Variants in GINS1 observed in about 807,000 individuals in gnomAD.
GINS1 encodes GINS complex subunit 1.
GINS1 carries 26 observed loss-of-function variants against 34.9 expected under a neutral mutation model. The ratio of observed to expected loss-of-function variants is 0.74; its 90% CI spans 0.55 to 1.03. The LOEUF (loss-of-function observed/expected upper bound fraction) is 1.03. Among genes scored for constraint, GINS1 ranks in the 50% least tolerant of loss-of-function variants. The pLI is 0.00. For synonymous variants in GINS1, 97 were observed against 84.4 expected, an observed-to-expected ratio of 1.15 and a Z score of -0.82; for missense variants, 235 against 237.9, an observed-to-expected ratio of 0.99 and a Z score of 0.08.
intron 1 of GINS1, among the ~76,000 whole-genome samples, chr20:25,409,876 G>C (rs1201242667): frequency 1.3e-5 from 2 of 152,194 alleles, no homozygotes; most frequent in Non-Finnish European, 2.9e-5. Flanking sequence ...AACTTTAGAG[G>C]TCATTGTACA....
intron 1 of GINS1, 117 bp downstream of exon 1, chr20:25,408,012 C>G: frequency 1.4e-6 from 1 of 731,568 alleles, no homozygotes; most frequent in Non-Finnish European, 2.4e-6. Flanking sequence ...CTCCGGAAAA[C>G]TTGGGAAGCA....
rs2090515753 is a variant in GINS1 at position 25,446,968 on chromosome 20, A to G, written c.*977A>G. On this transcript the variant is annotated 3_prime_UTR_variant, in exon 7 of 7. Coordinates refer to ENST00000262460, the MANE Select transcript of GINS1 (RefSeq NM_021067.5). ...ACAATTTTTTTTCCTTTTTACTTCTAGAAGTGTTATAATTTTAAGCTTTAT... is the reference window on the plus strand; with the variant it reads ...ACAATTTTTTTTCCTTTTTACTTCTGGAAGTGTTATAATTTTAAGCTTTAT... 1 of 150,412 alleles carries G rather than the reference A, an allele frequency of 6.6e-6. No homozygotes were observed. The highest frequency in any genetic ancestry group is 1.5e-5 in the Non-Finnish European group (1 of 67,694). The allele number at this position is 150,412 out of a possible 1,614,324, so 9.3% of individuals were successfully genotyped here. A position where few individuals can be genotyped will look rare whatever the true frequency, so the allele number is the denominator to read the frequency against.
rs1430037724 is a variant in GINS1, at chr20:25,432,669, G to T, written c.447+7342G>T. Among the ~76,000 whole-genome samples, 3 of 152,014 alleles carry T rather than the reference G, an allele frequency of 2.0e-5. No homozygotes were observed. In the East Asian group the frequency reaches 5.8e-4, roughly 29 times the overall value. ...TTTAGTAGAGATGGGATTTCGCCAT[G>T]TTGGCCAGGCTGGTCTGGAATTCCT... On this transcript the variant is annotated intron_variant, in intron 5 of 6. Coordinates refer to ENST00000262460, the MANE Select transcript of GINS1 (RefSeq NM_021067.5).
intron 4 of GINS1, among the ~76,000 whole-genome samples, chr20:25,422,557 C>T (rs1257220082): frequency 6.6e-6 from 1 of 152,146 alleles, no homozygotes; most frequent in African/African-American, 2.4e-5. Context: ...CGCCACTGCA[C>T]TCCAGCCTGG....
At chr20:25,408,192 T>A (rs1255679239) in intron 1 of GINS1, among the ~76,000 whole-genome samples, 1 of 152,254 alleles carries the variant, frequency 6.6e-6, no homozygotes, top group African/African-American at 2.4e-5. Flanking sequence ...CATTTCTTGC[T>A]CACTCAGGCA....
At chr20:25,438,789 G>A (rs923554974) in intron 5 of GINS1, among the ~76,000 whole-genome samples, 1 of 152,002 alleles carries the variant, frequency 6.6e-6, no homozygotes, top group East Asian at 1.9e-4. Flanking sequence ...GCCCAGGCTC[G>A]TCTTGAACTC....
At chr20:25,408,902 C>A in intron 1 of GINS1, 1 of 982,742 alleles carries the variant, frequency 1.0e-6, no homozygotes. Flanking sequence ...GATGTCAGGA[C>A]ACATTCTGCT....
At position 25,420,154 on chromosome 20, in the gene GINS1, G is replaced by T. The variant is rs139168626; in HGVS notation, c.330+1959G>T. Among the ~76,000 whole-genome samples the T allele has an allele frequency of 1.7e-3, 254 of 151,820 alleles. 5 individuals carry two copies. In the East Asian group the frequency reaches 0.041, roughly 24 times the overall value. ...ATAAAATATATATATATTTTTTTGA[G>T]ATGGAGTCTCGCTCTGTTGCTCCAG... On this transcript the variant is annotated intron_variant, in intron 4 of 6. Coordinates refer to ENST00000262460, the MANE Select transcript of GINS1 (RefSeq NM_021067.5).
At chr20:25,440,855 A>G (rs2090478655) in intron 5 of GINS1, among the ~76,000 whole-genome samples, 1 of 151,942 alleles carries the variant, frequency 6.6e-6, no homozygotes, top group African/African-American at 2.4e-5. Flanking sequence ...AGCAAATGCA[A>G]AGGACTCAGG....
intron 4 of GINS1, 130 bp downstream of exon 4, chr20:25,418,325 T>G: frequency 1.5e-6 from 1 of 667,598 alleles, no homozygotes; most frequent in Non-Finnish European, 2.7e-6. Context: ...TGGCTGGTAT[T>G]TAGTATATAA....
At chr20:25,435,755 A>G (rs1380244980) in intron 5 of GINS1, among the ~76,000 whole-genome samples, 1 of 109,998 alleles carries the variant, frequency 9.1e-6, no homozygotes, top group Non-Finnish European at 1.8e-5. Context: ...ACAGAGTGAG[A>G]TTCCGTCTCA....
chr20:25,425,538 G>T (rs1188879088), intron 5 of GINS1, among the ~76,000 whole-genome samples: 1 of 152,098 alleles, frequency 6.6e-6, no homozygotes, highest in African/African-American at 2.4e-5. Flanking sequence ...TTTGAGTATG[G>T]AACCCTATAA....
In GINS1 at chr20:25,423,463, T is replaced by C. The variant is rs1261216008; in HGVS notation, c.331-1748T>C. On this transcript the variant is annotated intron_variant, in intron 4 of 6. Transcript: ENST00000262460. ...GATATTTTTCTTTTCTTTTTTTTTT[T>C]TTTTTTTTTTTTTTTTTTTTTTTGA... Among the ~76,000 whole-genome samples the C allele has an allele frequency of 1.8e-4, 18 of 99,858 alleles. 1 individual carries two copies. The South Asian group carries it at 2.4e-3, about 13-fold the overall frequency. 65.5% of individuals were successfully genotyped at this position (99,858 alleles called of 152,430 possible).
At chr20:25,427,722 A>G (rs1418168189) in intron 5 of GINS1, among the ~76,000 whole-genome samples, 3 of 151,758 alleles carry the variant, frequency 2.0e-5, no homozygotes, top group Non-Finnish European at 4.4e-5. Context: ...TTAATTTGTT[A>G]TCAGATATAT....
chr20:25,420,751 TG>T, intron 4 of GINS1: 2 of 466,256 alleles, frequency 4.3e-6, no homozygotes, highest in Non-Finnish European at 5.6e-6. Flanking sequence ...CACTGCACTC[TG>T]GTCTGGGAGA....
intron 1 of GINS1, among the ~76,000 whole-genome samples, chr20:25,409,327 G>A (rs1362245931): frequency 6.6e-6 from 1 of 152,226 alleles, no homozygotes; most frequent in Admixed American, 6.5e-5. Flanking sequence ...AATGGGACAG[G>A]GAGATGGCTA....
chr20:25,424,857 A>T (rs1463004750), intron 4 of GINS1, among the ~76,000 whole-genome samples: 1 of 152,204 alleles, frequency 6.6e-6, no homozygotes, highest in East Asian at 1.9e-4. Flanking sequence ...GGTTTTCTTA[A>T]CAATGTTTTA....
At chr20:25,409,001 G>A in intron 1 of GINS1, 1 of 985,116 alleles carries the variant, frequency 1.0e-6, no homozygotes, top group Non-Finnish European at 1.2e-6. Flanking sequence ...AGAAACACCA[G>A]TATGAGCTGG....
intron 6 of GINS1, among the ~76,000 whole-genome samples, chr20:25,444,378 C>T (rs767425161): frequency 1.3e-5 from 2 of 152,134 alleles, no homozygotes; most frequent in Non-Finnish European, 1.5e-5. Flanking sequence ...TACTTTTTAT[C>T]CAGAAATCAA....
Sources: gnomAD v4.1 joint callset for allele counts (sites outside exome capture counted in the v4.1 genomes callset) on GRCh38, gnomAD v4.1.1 for gene constraint, MANE v1.5 for transcripts, NCBI Gene and HGNC (gene_info 2026-07-23, HGNC 2026-07-21) for gene names.